Variants in GABRR3 observed in about 807,000 individuals in gnomAD.
The protein encoded by GABRR3 is gamma-aminobutyric acid receptor subunit rho-3.
In GABRR3, 29 loss-of-function variants were observed where a neutral mutation model predicts 43.2. The observed-to-expected ratio is 0.67, with a 90% CI of 0.50 to 0.92. The LOEUF (loss-of-function observed/expected upper bound fraction) is 0.92, where lower values mean the gene tolerates loss of function less well. GABRR3 is among the 40% of genes least tolerant of loss of function. The probability of loss-of-function intolerance (pLI) is 0.00; values close to 1 mark genes in which losing one functional copy is unlikely to be tolerated. For missense variants in GABRR3, 576 were observed against 572.3 expected (o/e 1.01, Z -0.07); for synonymous variants, 206 against 195.9 (o/e 1.05, Z -0.43).
At chr3:98,018,138 CAT>C (rs1706896642) in intron 3 of GABRR3, among the ~76,000 whole-genome samples, 1 of 151,848 alleles carries the variant, frequency 6.6e-6, no homozygotes, top group African/African-American at 2.4e-5. Flanking sequence ...GGTCATATCT[CAT>C]AGTCAGGGAG....
chr3:97,993,803 C>A (rs752942988), intron 8 of GABRR3, among the ~76,000 whole-genome samples: 1 of 152,054 alleles, frequency 6.6e-6, no homozygotes, highest in Non-Finnish European at 1.5e-5. Context: ...CTGCTGCCTT[C>A]CCCCTTCCCT....
chr3:98,017,054 T>C (rs1165758134), intron 4 of GABRR3, among the ~76,000 whole-genome samples: 1 of 152,196 alleles, frequency 6.6e-6, no homozygotes, highest in African/African-American at 2.4e-5. Context: ...GGATATTTCA[T>C]AGAGTGAATA....
At position 97,992,836 on chromosome 3, in the gene GABRR3, C is replaced by T. The variant is rs758744924; in HGVS notation, c.1104+16G>A. 3.2e-6 allele frequency: 5 copies of T among 1,573,658 alleles called. No individual in the cohort carries two copies. In the South Asian group the frequency reaches 4.9e-5, roughly 15 times the overall value. ...CACATTCCCCAAGGGATCTGATAGT[C>T]AGAGCAAGGCTGTACCTTTCCTGTC... is the stretch of plus-strand genomic sequence containing the variant. On this transcript the variant is annotated intron_variant, in intron 9 of 9. Transcript: ENST00000621172.
At position 98,034,860 on chromosome 3, in the gene GABRR3, T is replaced by C. The variant is rs547104764; in HGVS notation, c.125+3A>G. 28 of 1,612,810 alleles carry C rather than the reference T, an allele frequency of 1.7e-5. No individual in the cohort carries two copies. In the East Asian group the frequency reaches 4.9e-4, roughly 28 times the overall value. On this transcript the variant is annotated splice_donor_region_variant and intron_variant, in intron 2 of 9. Coordinates refer to ENST00000621172, the Ensembl canonical transcript of GABRR3. The stretch of plus-strand genomic sequence containing the variant: ...TCCATGGACTGCACTATGAGCATCT[T>C]ACCAGGTTTGTTTCATTGAAGAGGA...
intron 2 of GABRR3, among the ~76,000 whole-genome samples, chr3:98,033,946 T>C (rs1321176236): frequency 6.6e-6 from 1 of 152,174 alleles, no homozygotes; most frequent in African/African-American, 2.4e-5. Context: ...AAGATATTTA[T>C]CAAAATTTTA....
At chr3:98,013,635 C>T (rs558438065) in intron 4 of GABRR3, among the ~76,000 whole-genome samples, 1 of 152,244 alleles carries the variant, frequency 6.6e-6, no homozygotes, top group South Asian at 2.1e-4. Flanking sequence ...CTGAATGAGT[C>T]ACCAATTAAT....
At chr3:98,002,739 A>G (rs550780793) in intron 7 of GABRR3, among the ~76,000 whole-genome samples, 4 of 152,302 alleles carry the variant, frequency 2.6e-5, no homozygotes, top group African/African-American at 9.6e-5. Flanking sequence ...TTCTATGATA[A>G]ATGCTGTTTA....
chr3:97,989,748 TAA>T (rs943628882), intron 9 of GABRR3, among the ~76,000 whole-genome samples: 1 of 152,068 alleles, frequency 6.6e-6, no homozygotes, highest in Non-Finnish European at 1.5e-5. Flanking sequence ...TGAAATGAAG[TAA>T]AGAGATACTG....
chr3:98,014,183 C>G (rs942977922), intron 4 of GABRR3, among the ~76,000 whole-genome samples: 1 of 152,190 alleles, frequency 6.6e-6, no homozygotes, highest in African/African-American at 2.4e-5. Context: ...CGGACTAGCA[C>G]AGCTAACCTT....
intron 8 of GABRR3, among the ~76,000 whole-genome samples, chr3:97,996,408 T>C (rs970300461): frequency 6.6e-5 from 10 of 152,196 alleles, no homozygotes. Context: ...CTGTGACCAT[T>C]AAATAAACTG....
intron 8 of GABRR3, chr3:98,000,877 G>A (rs1477121920): frequency 2.0e-5 from 3 of 152,082 alleles, no homozygotes; most frequent in African/African-American, 7.2e-5. Context: ...GCTTAGCTTG[G>A]TATCTTCTAC....
At chr3:98,018,864 C>T (rs550385222) in intron 3 of GABRR3, among the ~76,000 whole-genome samples, 327 of 152,232 alleles carry the variant, frequency 2.1e-3, no homozygotes, top group African/African-American at 7.3e-3. Context: ...TATCCCAGCA[C>T]TTTGGCAGGC....
chr3:98,002,523 A>G (rs1393806105), intron 7 of GABRR3, among the ~76,000 whole-genome samples: 2 of 152,170 alleles, frequency 1.3e-5, no homozygotes, highest in Non-Finnish European at 2.9e-5. Context: ...TCTGAGCACC[A>G]TTCTTTAATG....
chr3:97,992,940 A>C (rs765615560), exon 9 of GABRR3: 5 of 1,613,742 alleles, frequency 3.1e-6, no homozygotes, highest in Non-Finnish European at 4.2e-6. Flanking sequence ...GAACACAAAG[A>C]GGGAGCTGAC....
At chr3:97,993,359 C>G (rs1197586168) in intron 8 of GABRR3, among the ~76,000 whole-genome samples, 1 of 152,138 alleles carries the variant, frequency 6.6e-6, no homozygotes, top group African/African-American at 2.4e-5. Context: ...TCTAAGCATG[C>G]CAGAAAGGTA....
At chr3:98,014,168 T>C (rs1706845662) in intron 4 of GABRR3, among the ~76,000 whole-genome samples, 2 of 152,214 alleles carry the variant, frequency 1.3e-5, no homozygotes, top group South Asian at 4.1e-4. Flanking sequence ...CAGTTTTATC[T>C]GATACGGACT....
chr3:97,990,242 T>TG (rs1047916513), intron 9 of GABRR3, among the ~76,000 whole-genome samples: 1 of 152,110 alleles, frequency 6.6e-6, no homozygotes, highest in Non-Finnish European at 1.5e-5. Context: ...GTGAAGTACA[T>TG]GGGGAAGAAA....
chr3:97,994,209 C>G (rs558191476), intron 8 of GABRR3, among the ~76,000 whole-genome samples: 1 of 152,362 alleles, frequency 6.6e-6, no homozygotes, highest in African/African-American at 2.4e-5. Context: ...AGCATGTGGA[C>G]TGCTTTCACC....
intron 3 of GABRR3, 147 bp downstream of exon 3, chr3:98,025,419 CT>C: frequency 1.8e-6 from 1 of 545,412 alleles, no homozygotes; most frequent in Non-Finnish European, 3.2e-6. Context: ...ATCAATTGTT[CT>C]CATTAAAGAG....
Sources: allele counts gnomAD v4.1 joint callset (sites outside exome capture counted in the v4.1 genomes callset), GRCh38; gene constraint gnomAD v4.1.1; transcripts MANE v1.5; gene names NCBI Gene and HGNC (gene_info 2026-07-23, HGNC 2026-07-21).